The following SLCO1B1 variants were observed in gnomAD, a reference collection of about 807,000 sequenced individuals.
The protein encoded by SLCO1B1 is solute carrier organic anion transporter family member 1B1, also known as OATP-2.
SLCO1B1 carries 81 observed loss-of-function variants against 70.1 expected under a neutral mutation model. That is an observed-to-expected ratio of 1.16 (90% CI 0.97 to 1.39). The LOEUF is 1.39. Ranked by LOEUF, SLCO1B1 falls within the 40% of genes most tolerant of loss-of-function variation. The probability of loss-of-function intolerance (pLI) is 0.00; values close to 1 mark genes in which losing one functional copy is unlikely to be tolerated. For synonymous variants in SLCO1B1, 283 were observed against 271.5 expected, an observed-to-expected ratio of 1.04 and a Z score of -0.42; for missense variants, 895 against 799.6, an observed-to-expected ratio of 1.12 and a Z score of -1.44.
intron 2 of SLCO1B1, among the ~76,000 whole-genome samples, chr12:21,147,014 T>C (rs1210518246): frequency 6.6e-6 from 1 of 152,186 alleles, no homozygotes; most frequent in East Asian, 1.9e-4. Context: ...TCTAGAGAGA[T>C]GTAGAGTCTC....
At chr12:21,152,054 A>G (rs964863689) in intron 2 of SLCO1B1, among the ~76,000 whole-genome samples, 1 of 151,102 alleles carries the variant, frequency 6.6e-6, no homozygotes, top group Non-Finnish European at 1.5e-5. Context: ...CAGTTTTTTG[A>G]TACTTTGTTC....
intron 1 of SLCO1B1, among the ~76,000 whole-genome samples, chr12:21,133,265 G>T (rs1209920274): frequency 1.3e-5 from 2 of 152,016 alleles, no homozygotes; most frequent in East Asian, 3.9e-4. Context: ...GTCAGGTAGG[G>T]TGATGCCTCC....
chr12:21,181,471 C>A (rs1274268499), intron 7 of SLCO1B1, among the ~76,000 whole-genome samples: 1 of 152,060 alleles, frequency 6.6e-6, no homozygotes, highest in East Asian at 1.9e-4. Context: ...TCATATAAAT[C>A]AAATTTAAAC....
At chr12:21,136,828 A>C (rs1454852099) in intron 1 of SLCO1B1, among the ~76,000 whole-genome samples, 1 of 152,048 alleles carries the variant, frequency 6.6e-6, no homozygotes, top group South Asian at 2.1e-4. Flanking sequence ...TCTTCTCTCA[A>C]CTTGTCAAAG....
chr12:21,205,184 C>G (rs1228627659), intron 10 of SLCO1B1, among the ~76,000 whole-genome samples: 2 of 151,658 alleles, frequency 1.3e-5, no homozygotes, highest in Non-Finnish European at 2.9e-5. Context: ...AATGTTTAAG[C>G]AGAAATGAAT....
chr12:21,179,817 C>T (rs1203997340), intron 7 of SLCO1B1, among the ~76,000 whole-genome samples: 1 of 152,096 alleles, frequency 6.6e-6, no homozygotes, highest in Non-Finnish European at 1.5e-5. Flanking sequence ...TCAGCAAACA[C>T]ACCCAAGTAT....
intron 11 of SLCO1B1, among the ~76,000 whole-genome samples, chr12:21,212,039 G>A (rs1471340749): frequency 6.8e-6 from 1 of 147,086 alleles, no homozygotes; most frequent in Non-Finnish European, 1.5e-5. Flanking sequence ...TTTTTTGAAG[G>A]TTTTTTTTTG....
At chr12:21,199,554 A>G (rs1941132017) in intron 8 of SLCO1B1, among the ~76,000 whole-genome samples, 1 of 152,146 alleles carries the variant, frequency 6.6e-6, no homozygotes, top group Admixed American at 6.6e-5. Flanking sequence ...CTGAGAAAGT[A>G]TGTTATGGTA....
At chr12:21,135,450 T>G (rs1591793674) in intron 1 of SLCO1B1, among the ~76,000 whole-genome samples, 1 of 151,704 alleles carries the variant, frequency 6.6e-6, no homozygotes, top group Admixed American at 6.6e-5. Context: ...AGTCTCCCAT[T>G]ATTATTGAGT....
At chr12:21,164,544 G>T (rs1392545976) in intron 2 of SLCO1B1, among the ~76,000 whole-genome samples, 1 of 151,890 alleles carries the variant, frequency 6.6e-6, no homozygotes, top group African/African-American at 2.4e-5. Flanking sequence ...CTTCATGGCT[G>T]CCAGAATTAA....
intron 1 of SLCO1B1, among the ~76,000 whole-genome samples, chr12:21,134,792 A>C (rs1940193730): frequency 6.6e-6 from 1 of 151,998 alleles, no homozygotes; most frequent in Non-Finnish European, 1.5e-5. Context: ...CAGCTCCTGG[A>C]TTCATTAATT....
chr12:21,238,510 C>CA (rs2121216264), intron 14 of SLCO1B1, among the ~76,000 whole-genome samples: 1 of 150,886 alleles, frequency 6.6e-6, no homozygotes, highest in South Asian at 2.1e-4. Flanking sequence ...CAATTTTTTT[C>CA]ATTACAGTTA....
intron 8 of SLCO1B1, among the ~76,000 whole-genome samples, chr12:21,197,878 C>T (rs1941112571): frequency 6.6e-6 from 1 of 152,050 alleles, no homozygotes; most frequent in African/African-American, 2.4e-5. Flanking sequence ...GACAGTGCCT[C>T]CTCTTTTGAA....
intron 2 of SLCO1B1, among the ~76,000 whole-genome samples, chr12:21,158,972 T>G (rs1940577242): frequency 6.6e-6 from 1 of 152,184 alleles, no homozygotes; most frequent in African/African-American, 2.4e-5. Context: ...TACAACAATG[T>G]ACATATAATC....
intron 11 of SLCO1B1, among the ~76,000 whole-genome samples, chr12:21,215,551 T>C (rs1941348071): frequency 6.6e-6 from 1 of 152,178 alleles, no homozygotes. Context: ...TGAATTCACT[T>C]TTTGATGTGC....
intron 2 of SLCO1B1, among the ~76,000 whole-genome samples, chr12:21,172,374 G>C (rs1940766259): frequency 6.6e-6 from 1 of 152,100 alleles, no homozygotes; most frequent in African/African-American, 2.4e-5. Flanking sequence ...CTATAAATCA[G>C]TTAATGAGAT....
intron 1 of SLCO1B1, among the ~76,000 whole-genome samples, chr12:21,134,548 T>C (rs1940189849): frequency 6.6e-6 from 1 of 152,200 alleles, no homozygotes; most frequent in African/African-American, 2.4e-5. Flanking sequence ...AACTTCTTCC[T>C]GGTTTAGTCT....
chr12:21,157,331 A>G (rs1361709089), intron 2 of SLCO1B1, among the ~76,000 whole-genome samples: 1 of 152,140 alleles, frequency 6.6e-6, no homozygotes, highest in Non-Finnish European at 1.5e-5. Context: ...GAAGGAAAAT[A>G]TTAGGTATAG....
intron 1 of SLCO1B1, among the ~76,000 whole-genome samples, chr12:21,133,966 G>C (rs1940178330): frequency 6.6e-6 from 1 of 152,094 alleles, no homozygotes; most frequent in South Asian, 2.1e-4. Flanking sequence ...ATTGGCTGCA[G>C]GTTTGTCATA....
Sources: allele counts gnomAD v4.1 joint callset (sites outside exome capture counted in the v4.1 genomes callset), GRCh38; gene constraint gnomAD v4.1.1; transcripts MANE v1.5; gene names NCBI Gene and HGNC (gene_info 2026-07-23, HGNC 2026-07-21).